The following RASGRP1 variants were observed in gnomAD, a reference collection of about 807,000 sequenced individuals.
The protein encoded by RASGRP1 is RAS guanyl releasing protein 1.
In RASGRP1, 37 loss-of-function variants were observed where a neutral mutation model predicts 95.1. That is an observed-to-expected ratio of 0.39 (90% CI 0.30 to 0.51). The LOEUF is 0.51. RASGRP1 is among the 20% of genes least tolerant of loss of function. The pLI is 0.80. For synonymous variants in RASGRP1, 325 were observed against 353.4 expected, an observed-to-expected ratio of 0.92 and a Z score of 0.90; for missense variants, 711 against 965.4, an observed-to-expected ratio of 0.74 and a Z score of 3.49.
chr15:38,558,850 C>T (rs1447970964), intron 2 of RASGRP1, among the ~76,000 whole-genome samples: 2 of 152,152 alleles, frequency 1.3e-5, no homozygotes, highest in Non-Finnish European at 1.5e-5. Context: ...GCCACTAGTC[C>T]GTCATTCTGA....
intron 1 of RASGRP1, among the ~76,000 whole-genome samples, chr15:38,561,470 T>C (rs907683382): frequency 6.6e-6 from 1 of 152,202 alleles, no homozygotes; most frequent in African/African-American, 2.4e-5. Context: ...TGTGGGACAG[T>C]GTCTGGGAAA....
rs574975899 is a variant in RASGRP1 at position 38,493,107 on chromosome 15, C to T, written c.2259+1275G>A. On this transcript the variant is annotated intron_variant, in intron 16 of 16. Coordinates refer to ENST00000310803, the MANE Select transcript of RASGRP1 (RefSeq NM_005739.4). Reference sequence around the variant, plus strand: ...GTGTTAGCCAGGATGGTCTTGATCTCGTGACCTCGTGATCCGCCCACCTTG... The same window carrying T: ...GTGTTAGCCAGGATGGTCTTGATCTTGTGACCTCGTGATCCGCCCACCTTG... Among the ~76,000 whole-genome samples, 5 of 150,970 alleles carry T rather than the reference C, an allele frequency of 3.3e-5. No homozygotes were observed. The South Asian group carries it at 8.4e-4, about 25-fold the overall frequency.
intron 3 of RASGRP1, among the ~76,000 whole-genome samples, chr15:38,520,406 A>T: frequency 6.6e-6 from 1 of 152,208 alleles, no homozygotes; most frequent in East Asian, 1.9e-4. Context: ...ATTTAGAGTT[A>T]AATAAAGAAA....
chr15:38,526,242 A>G, intron 3 of RASGRP1, 57 bp downstream of exon 3: 1 of 1,348,976 alleles, frequency 7.4e-7, no homozygotes, highest in Non-Finnish European at 1.1e-6. Flanking sequence ...TCAAATTTCA[A>G]GCTACTTTTT....
At chr15:38,491,269 C>G (rs1890569967) in intron 16 of RASGRP1, among the ~76,000 whole-genome samples, 1 of 152,000 alleles carries the variant, frequency 6.6e-6, no homozygotes, top group Admixed American at 6.5e-5. Context: ...CTGATTACTC[C>G]AAGAGAATAT....
chr15:38,522,200 A>T (rs551396514), intron 3 of RASGRP1, among the ~76,000 whole-genome samples: 1 of 152,326 alleles, frequency 6.6e-6, no homozygotes, highest in African/African-American at 2.4e-5. Context: ...ACAAATAGGT[A>T]AGTTACAGTG....
At chr15:38,558,601 G>C (rs191035476) in intron 2 of RASGRP1, among the ~76,000 whole-genome samples, 1 of 152,292 alleles carries the variant, frequency 6.6e-6, no homozygotes, top group Admixed American at 6.5e-5. Context: ...TACTGGAGTA[G>C]AAACTCTGGG....
intron 12 of RASGRP1, 121 bp downstream of exon 12, chr15:38,502,191 T>A: frequency 7.4e-6 from 5 of 676,272 alleles, no homozygotes; most frequent in South Asian, 2.1e-5. Context: ...TTTCATGGTC[T>A]GTTCTTTAAG....
At chr15:38,522,550 A>G (rs941628543) in intron 3 of RASGRP1, among the ~76,000 whole-genome samples, 1 of 152,228 alleles carries the variant, frequency 6.6e-6, no homozygotes, top group African/African-American at 2.4e-5. Flanking sequence ...AAGGAATTAA[A>G]TAGATTGTCA....
intron 9 of RASGRP1, among the ~76,000 whole-genome samples, chr15:38,506,696 G>T (rs1487445550): frequency 2.0e-5 from 3 of 151,164 alleles, no homozygotes; most frequent in Admixed American, 6.6e-5. Context: ...TAAAATTTTA[G>T]GAGAGAAGTC....
intron 15 of RASGRP1, among the ~76,000 whole-genome samples, chr15:38,496,919 T>G (rs1482605658): frequency 1.3e-5 from 2 of 152,224 alleles, no homozygotes; most frequent in Non-Finnish European, 2.9e-5. Context: ...CTATATGGAC[T>G]TTTTCTCTAG....
intron 14 of RASGRP1, chr15:38,499,242 C>A (rs1890916340): frequency 2.0e-6 from 1 of 503,928 alleles, no homozygotes. Flanking sequence ...TCTAGGGAGA[C>A]CCTCCGGAAA....
intron 2 of RASGRP1, among the ~76,000 whole-genome samples, chr15:38,536,291 A>G (rs1269453350): frequency 6.6e-6 from 1 of 152,192 alleles, no homozygotes; most frequent in Non-Finnish European, 1.5e-5. Context: ...GCCCTGTCCT[A>G]GCTTCCCAGA....
At position 38,498,852 on chromosome 15, in the gene RASGRP1, G is replaced by A; in HGVS notation, c.1815C>T (p.Asn605=). ...AKNPVAPTEN[N]TSVGPVSNLC... Reference sequence around the variant, plus strand: ...GGTTGGACACTGGCCCCACAGAAGTGTTGTTCTCTGTGGGAGCTACTGGGT... The same window carrying A: ...GGTTGGACACTGGCCCCACAGAAGTATTGTTCTCTGTGGGAGCTACTGGGT... The change falls in exon 15 of 17, where the codon AAC becomes AAT. Residue 605 remains asparagine (N), a synonymous_variant. Coordinates refer to ENST00000310803, the MANE Select transcript of RASGRP1 (RefSeq NM_005739.4). 1.2e-6 allele frequency: 2 copies of A among 1,613,884 alleles called. No individual in the cohort carries two copies. The highest frequency in any genetic ancestry group is 1.7e-6 in the Non-Finnish European group (2 of 1,179,860).
At chr15:38,507,148 TCA>T (rs1891291737) in intron 9 of RASGRP1, among the ~76,000 whole-genome samples, 1 of 152,204 alleles carries the variant, frequency 6.6e-6, no homozygotes, top group Non-Finnish European at 1.5e-5. Flanking sequence ...ATGTCCATAG[TCA>T]CACAGCTGGT....
chr15:38,563,454 C>T (rs1012846505), intron 1 of RASGRP1, among the ~76,000 whole-genome samples: 1 of 152,180 alleles, frequency 6.6e-6, no homozygotes, highest in East Asian at 1.9e-4. Flanking sequence ...GAAATCCTCT[C>T]CAGGCATAGG....
rs532877158 is a variant in RASGRP1 at position 38,554,981 on chromosome 15, A to G, written c.220+4840T>C. Among the ~76,000 whole-genome samples the G allele has an allele frequency of 1.2e-4, 19 of 152,270 alleles. No individual in the cohort carries two copies. The South Asian group carries it at 3.3e-3, about 27-fold the overall frequency. ...GCCTGTTATTAGGTCTGCATCCCCA[A>G]TGATGTCATGGCCCTTGGCTTCTGG... On this transcript the variant is annotated intron_variant, in intron 2 of 16. Transcript: ENST00000310803.
At chr15:38,500,757 C>T (rs572232602) in intron 13 of RASGRP1, among the ~76,000 whole-genome samples, 8 of 152,010 alleles carry the variant, frequency 5.3e-5, no homozygotes, top group Non-Finnish European at 8.8e-5. Context: ...CATCAGGACC[C>T]GAGTTTAGGG....
At chr15:38,549,827 A>G (rs527943760) in intron 2 of RASGRP1, among the ~76,000 whole-genome samples, 2 of 152,174 alleles carry the variant, frequency 1.3e-5, no homozygotes, top group South Asian at 2.1e-4. Flanking sequence ...CTTTGGGGAA[A>G]AAAAAACAAG....
Sources: gnomAD v4.1 joint callset for allele counts (sites outside exome capture counted in the v4.1 genomes callset) on GRCh38, gnomAD v4.1.1 for gene constraint, MANE v1.5 for transcripts, NCBI Gene and HGNC (gene_info 2026-07-23, HGNC 2026-07-21) for gene names.